The following DIDO1 variants were observed in gnomAD, a reference collection of about 807,000 sequenced individuals.
DIDO1 encodes death-inducer obliterator 1.
Under a neutral mutation model 99.4 loss-of-function variants are expected in DIDO1, and 16 were observed. The observed-to-expected ratio is 0.16, with a 90% CI of 0.11 to 0.24. The LOEUF (loss-of-function observed/expected upper bound fraction) is 0.24. DIDO1 is among the 10% of genes least tolerant of loss of function. The pLI is 1.00. For missense variants in DIDO1, 2,996 were observed against 3,014.0 expected, an observed-to-expected ratio of 0.99 and a Z score of 0.14; for synonymous variants, 1,366 against 1,239.1, an observed-to-expected ratio of 1.10 and a Z score of -2.15.
At chr20:62,936,683 G>C (rs992840179) in intron 1 of DIDO1, among the ~76,000 whole-genome samples, 4 of 152,090 alleles carry the variant, frequency 2.6e-5, no homozygotes, top group African/African-American at 9.7e-5. Flanking sequence ...GACCAACAAG[G>C]GGAAACCCCG....
intron 6 of DIDO1, among the ~76,000 whole-genome samples, chr20:62,904,651 C>A (rs939162942): frequency 6.6e-6 from 1 of 151,698 alleles, no homozygotes; most frequent in Non-Finnish European, 1.5e-5. Context: ...CATGGTGGCA[C>A]GGGCCTGTAA....
At chr20:62,923,653 T>A (rs2065198367) in intron 1 of DIDO1, among the ~76,000 whole-genome samples, 1 of 152,234 alleles carries the variant, frequency 6.6e-6, no homozygotes, top group African/African-American at 2.4e-5. Context: ...CTTTCTAGTG[T>A]CTTTACTTTC....
Position 62,911,752 on chromosome 20 carries a change from T to C in DIDO1, c.-2-138A>G, listed in dbSNP as rs550434574. 1,303 of 678,078 alleles carry C rather than the reference T, an allele frequency of 1.9e-3. 43 individuals carry two copies. The South Asian group carries it at 0.031, about 16-fold the overall frequency. 42.0% of individuals were successfully genotyped at this position (678,078 alleles called of 1,614,324 possible). On this transcript the variant is annotated intron_variant, in intron 2 of 15. Coordinates refer to ENST00000395343, the MANE Select transcript of DIDO1 (RefSeq NM_001193369.2). The surrounding 1 kb of genome is among the most constrained non-coding windows in gnomAD (Gnocchi z 7.0). ...TAAAGCAAGTCCTTCTGACCAGTGT[T>C]TCCTAATGTGTGCTATGTGAGATGA...
chr20:62,894,700 AC>A lies in DIDO1; in HGVS notation c.2436+109del. The stretch of plus-strand genomic sequence containing the variant: ...ACAAGGACTGAGGAATGCCACAATG[AC>A]ATACACCTGCTGTAAGCTCAGGTCC... On this transcript the variant is annotated intron_variant, in intron 10 of 15. Coordinates refer to ENST00000395343, the MANE Select transcript of DIDO1 (RefSeq NM_001193369.2). The surrounding 1 kb of genome is among the most constrained non-coding windows in gnomAD (Gnocchi z 4.4). 7.1e-7 allele frequency: 1 copy of A among 1,407,288 alleles called. No individual in the cohort carries two copies. Among genetic ancestry groups the A allele is most frequent in the Non-Finnish European group, 9.6e-7 (1 of 1,039,072 alleles). 87.2% of individuals were successfully genotyped at this position (1,407,288 alleles called of 1,614,324 possible). A position where few individuals can be genotyped will look rare whatever the true frequency, so the allele number is the denominator to read the frequency against.
rs138905241 is a variant in DIDO1, at chr20:62,892,938, T to G, written c.3126A>C (p.Pro1042=). Residue 1042 remains proline, a synonymous_variant, in exon 13 of 16, where the codon CCA becomes CCC. Coordinates refer to ENST00000395343, the MANE Select transcript of DIDO1 (RefSeq NM_001193369.2). ...ACAAAAAGAGGGTCGTGTCTCCCTC[T>G]GGAGGGGAACGTGATTCTGAAGTGC... ...NISTSESRSP[P]EGDTTLFLSR... The G allele has an allele frequency of 2.1e-5, 34 of 1,613,126 alleles. No homozygotes were observed. In the African/African-American group the frequency reaches 4.3e-4, roughly 20 times the overall value.
At chr20:62,888,723 A>G (rs1282701826) in intron 15 of DIDO1, 1 of 985,504 alleles carries the variant, frequency 1.0e-6, no homozygotes, top group Non-Finnish European at 1.2e-6. Flanking sequence ...ACACATGTAC[A>G]TGTTTATATC....
At position 62,893,818 on chromosome 20, in the gene DIDO1, T is replaced by C. The variant is rs1157380489; in HGVS notation, c.2949A>G (p.Ala983=). The C allele has an allele frequency of 6.2e-7, 1 of 1,614,010 alleles. No homozygotes were observed. Among genetic ancestry groups the C allele is most frequent in the East Asian group, 2.2e-5 (1 of 44,890 alleles). The part of the protein sequence containing the change: ...SSSCTAVASA[A]SRPDSTHMVE... ...CCATGTGGGTGCTGTCTGGGCGGGA[T>C]GCTGCGGAGGCCACGGCTGTGCATG... The change falls in exon 12 of 16, where the codon GCA becomes GCG. Residue 983 remains alanine, a synonymous_variant. Coordinates refer to ENST00000395343, the MANE Select transcript of DIDO1 (RefSeq NM_001193369.2).
chr20:62,889,476 A>G, intron 15 of DIDO1: 1 of 985,492 alleles, frequency 1.0e-6, no homozygotes, highest in Non-Finnish European at 1.2e-6. Context: ...CTCGCTATCT[A>G]AGAATCATGT....
chr20:62,917,694 T>C (rs1218713790), intron 1 of DIDO1, among the ~76,000 whole-genome samples: 3 of 152,202 alleles, frequency 2.0e-5, no homozygotes, highest in East Asian at 1.9e-4. Flanking sequence ...AAAAGATGTA[T>C]GTTTGCGGGT....
intron 1 of DIDO1, among the ~76,000 whole-genome samples, chr20:62,936,211 G>A (rs1384593629): frequency 6.6e-6 from 1 of 152,164 alleles, no homozygotes; most frequent in African/African-American, 2.4e-5. Context: ...CCAGGAGATC[G>A]AGACCAGCCT....
At chr20:62,901,045 C>G (rs1600965100) in intron 6 of DIDO1, among the ~76,000 whole-genome samples, 1 of 152,354 alleles carries the variant, frequency 6.6e-6, no homozygotes, top group East Asian at 1.9e-4. Flanking sequence ...AGAAAATGTT[C>G]TGCTTTTGCT....
chr20:62,913,848 AAG>A (rs1209260501), intron 2 of DIDO1, among the ~76,000 whole-genome samples: 1 of 152,254 alleles, frequency 6.6e-6, no homozygotes, highest in Non-Finnish European at 1.5e-5. Context: ...GTTCTCATTA[AAG>A]AGAGAACAGG....
At position 62,896,550 on chromosome 20, in the gene DIDO1, T is replaced by C. The variant is rs1235809257; in HGVS notation, c.2035A>G (p.Lys679Glu). 3 of 1,589,428 alleles carry C rather than the reference T, an allele frequency of 1.9e-6. No individual in the cohort carries two copies. Among genetic ancestry groups the C allele is most frequent in the Non-Finnish European group, 2.6e-6 (3 of 1,168,706 alleles). The change falls in exon 7 of 16, where the codon AAA becomes GAA. Residue 679 changes from lysine (K) to glutamate (E), a missense_variant. Physicochemically the swap from Lys to Glu is moderately conservative, Grantham distance 56. Coordinates refer to ENST00000395343, the MANE Select transcript of DIDO1 (RefSeq NM_001193369.2). The surrounding 1 kb of genome is among the most constrained non-coding windows in gnomAD (Gnocchi z 4.4). The stretch of plus-strand genomic sequence containing the variant: ...GCCCACCTTTTCCACAAAATCTCTT[T>C]TAAGGAGCGTCTGATATTTTGCCGA... The part of the protein sequence containing the change: ...QIRQNIRRSL[K>E]EILWKRVNDS...
At chr20:62,889,608 G>C (rs893681539) in intron 15 of DIDO1, 7 of 985,438 alleles carry the variant, frequency 7.1e-6, no homozygotes, top group South Asian at 4.7e-5. Flanking sequence ...CAGGTGCGGA[G>C]AGGCCAGCTT....
chr20:62,921,527 C>A (rs2065135692), intron 1 of DIDO1, among the ~76,000 whole-genome samples: 1 of 152,132 alleles, frequency 6.6e-6, no homozygotes, highest in African/African-American at 2.4e-5. Flanking sequence ...CAGGGATTGC[C>A]AAGTGAGATG....
Position 62,881,091 on chromosome 20 carries a change from C to T in DIDO1, c.4865G>A (p.Gly1622Asp), listed in dbSNP as rs1193691238. The change falls in exon 16 of 16, where the codon GGC (glycine) becomes GAC (aspartate). Residue 1622 changes from glycine to aspartate, a missense_variant. This residue lies in a region of DIDO1 where 1,562 missense variants were observed against 1,412.6 expected (regional missense o/e 1.11). Transcript: ENST00000395343. The surrounding 1 kb of genome is among the most constrained non-coding windows in gnomAD (Gnocchi z 8.3). The stretch of plus-strand genomic sequence containing the variant: ...CTCGGACCCCGCTGGGGGCTTTTCG[C>T]CCGAAGCCCAGGGGGAAGAGGCTGG... ...KEPASSPWAS[G>D]EKPPAGSEQD... The T allele has an allele frequency of 6.2e-6, 10 of 1,608,776 alleles. No homozygotes were observed. Among genetic ancestry groups the T allele is most frequent in the Non-Finnish European group, 7.6e-6 (9 of 1,179,372 alleles).
Position 62,896,870 on chromosome 20 carries a change from G to T in DIDO1, c.1715C>A (p.Ser572Tyr). 2 of 1,613,976 alleles carry T rather than the reference G, an allele frequency of 1.2e-6. No homozygotes were observed. Among genetic ancestry groups the T allele is most frequent in the Non-Finnish European group, 1.7e-6 (2 of 1,179,980 alleles). The change falls in exon 7 of 16, where the codon TCT (serine) becomes TAT (tyrosine). Residue 572 changes from serine (S) to tyrosine (Y), a missense_variant. Around this residue, in one of 5 missense-constraint regions of DIDO1, gnomAD observed 898 missense variants for 972.7 expected, o/e 0.92. Transcript: ENST00000395343. The surrounding 1 kb of genome is among the most constrained non-coding windows in gnomAD (Gnocchi z 4.4). Reference protein sequence around the residue: ...APRNLVPKKSSFANVAAATPA... With the variant: ...APRNLVPKKSYFANVAAATPA... Reference sequence around the variant, plus strand: ...TGTGGCTGCTGCCACATTAGCAAAAGAAGACTTCTTTGGCACGAGGTTTCT... The same window carrying T: ...TGTGGCTGCTGCCACATTAGCAAAATAAGACTTCTTTGGCACGAGGTTTCT...
At chr20:62,893,553 A>C (rs2064443889) in intron 12 of DIDO1, 113 bp downstream of exon 12, 3 of 1,256,924 alleles carry the variant, frequency 2.4e-6, no homozygotes, top group South Asian at 3.4e-5. Flanking sequence ...GAAAGAGTGA[A>C]GCTGTATTTC....
intron 1 of DIDO1, among the ~76,000 whole-genome samples, chr20:62,919,709 G>T (rs1241320831): frequency 1.3e-5 from 2 of 152,252 alleles, no homozygotes; most frequent in Non-Finnish European, 2.9e-5. Flanking sequence ...TGAAAAACCT[G>T]CTGAGGACTA....
Sources: allele counts gnomAD v4.1 joint callset (sites outside exome capture counted in the v4.1 genomes callset), GRCh38; gene constraint gnomAD v4.1.1; regional missense constraint gnomAD v4.1.1; non-coding constraint Gnocchi (gnomAD v3.1); transcripts MANE v1.5; gene names NCBI Gene and HGNC (gene_info 2026-07-23, HGNC 2026-07-21).